Variants in SLC6A12 observed in about 807,000 individuals in gnomAD.
The protein encoded by SLC6A12 is sodium- and chloride-dependent betaine transporter.
A neutral mutation model predicts 73.3 loss-of-function variants in SLC6A12; 50 were observed. The observed-to-expected ratio is 0.68, with a 90% CI of 0.54 to 0.86. The LOEUF (loss-of-function observed/expected upper bound fraction) is 0.86, where lower values mean the gene tolerates loss of function less well. SLC6A12 is among the 40% of genes least tolerant of loss of function. The pLI, the probability that SLC6A12 is intolerant of heterozygous loss-of-function variation, is 0.00. For missense variants in SLC6A12, 648 were observed against 772.8 expected (o/e 0.84, Z 1.92); for synonymous variants, 304 against 309.2 (o/e 0.98, Z 0.18).
chr12:206,784 G>A (rs1176264234), intron 3 of SLC6A12, among the ~76,000 whole-genome samples: 2 of 152,240 alleles, frequency 1.3e-5, no homozygotes, highest in Non-Finnish European at 2.9e-5. Context: ...CCAGGACCTA[G>A]GCTGAGGGGT....
downstream of SLC6A12, among the ~76,000 whole-genome samples, chr12:186,860 C>T (rs1313040794): frequency 6.6e-6 from 1 of 152,182 alleles, no homozygotes; most frequent in African/African-American, 2.4e-5. Flanking sequence ...GTGAGGTCCA[C>T]ACCGGAGCAG....
chr12:188,154 G>A (rs1380145094), downstream of SLC6A12, among the ~76,000 whole-genome samples: 1 of 152,232 alleles, frequency 6.6e-6, no homozygotes, highest in Non-Finnish European at 1.5e-5. Context: ...GGGACTGGGT[G>A]CCCTGGAGCA....
At chr12:200,300 G>T (rs1176808324) in intron 7 of SLC6A12, among the ~76,000 whole-genome samples, 1 of 150,902 alleles carries the variant, frequency 6.6e-6, no homozygotes, top group African/African-American at 2.5e-5. Flanking sequence ...AGTAGAGACG[G>T]GGTTTTACCG....
intron 2 of SLC6A12, chr12:210,584 A>G (rs1940862808): frequency 6.1e-6 from 1 of 164,942 alleles, no homozygotes. Context: ...TGGGAGGAAA[A>G]GAGAAGGTGG....
chr12:196,325 C>A, intron 11 of SLC6A12, 64 bp from the exon 12 acceptor site: 1 of 1,546,216 alleles, frequency 6.5e-7, no homozygotes, highest in South Asian at 1.2e-5. Context: ...CCAGCCCTGG[C>A]CTCCACTTCC....
chr12:187,621 A>C (rs1198409976), downstream of SLC6A12, among the ~76,000 whole-genome samples: 67 of 54,056 alleles, frequency 1.2e-3, 3 homozygotes, highest in African/African-American at 4.7e-3. Flanking sequence ...AAAAAAAAAA[A>C]AAAAAAAAAA....
intron 4 of SLC6A12, chr12:204,134 T>A: frequency 4.9e-6 from 1 of 204,170 alleles, no homozygotes. Flanking sequence ...AGGACCCAGC[T>A]GAGCGGGACA....
chr12:193,306 A>C lies in SLC6A12; in HGVS notation c.1501T>G (p.Trp501Gly). The C allele has an allele frequency of 6.2e-7, 1 of 1,613,336 alleles. No homozygotes were observed. Among genetic ancestry groups the C allele is most frequent in the Non-Finnish European group, 8.5e-7 (1 of 1,179,414 alleles). The change falls in exon 14 of 16, where the codon TGG (tryptophan) becomes GGG (glycine). Residue 501 changes from tryptophan to glycine, a missense_variant. Trp to Gly is a radical substitution (Grantham distance 184). Transcript: ENST00000684302. ...CAAAGTCCAGGGGTCAGGAAGAGCCAGGAGATCTTCACCAGGGGCCATGGC... is the reference window on the plus strand; with the variant it reads ...CAAAGTCCAGGGGTCAGGAAGAGCCCGGAGATCTTCACCAGGGGCCATGGC... ...YRPWPLVKIS[W>G]LFLTPGLCLA...
chr12:210,347 G>T (rs2075229), intron 2 of SLC6A12: 23,582 of 1,126,416 alleles, frequency 0.021, 1,660 homozygotes, highest in African/African-American at 0.19. Context: ...TGTACAGCTC[G>T]CCACCATCCC....
At chr12:196,925 G>T (rs1565468684) in intron 10 of SLC6A12, 43 bp from the exon 11 acceptor site, 1 of 1,429,010 alleles carries the variant, frequency 7.0e-7, no homozygotes, top group Admixed American at 1.7e-5. Flanking sequence ...CAGGGCGTGT[G>T]CTGCCCTTGG....
At chr12:195,200 T>TGC in intron 13 of SLC6A12, 25 bp downstream of exon 13, 15 of 1,456,944 alleles carry the variant, frequency 1.0e-5, no homozygotes, top group Non-Finnish European at 1.3e-5. Context: ...CACCCTGCTT[T>TGC]CCCACCCCAC....
intron 3 of SLC6A12, among the ~76,000 whole-genome samples, chr12:209,472 C>T (rs1591807045): frequency 1.3e-5 from 2 of 152,200 alleles, no homozygotes; most frequent in Admixed American, 1.3e-4. Context: ...GAATGAATGA[C>T]TGAATTCTAT....
downstream of SLC6A12, among the ~76,000 whole-genome samples, chr12:186,597 T>C (rs1407747939): frequency 6.6e-6 from 1 of 152,172 alleles, no homozygotes; most frequent in East Asian, 1.9e-4. Flanking sequence ...ACGCAGTGTA[T>C]TCACCTTGCA....
intron 7 of SLC6A12, 135 bp downstream of exon 7, chr12:200,516 T>C (rs559321163): frequency 3.3e-6 from 3 of 906,026 alleles, no homozygotes; most frequent in South Asian, 3.7e-5. Context: ...CTGTTCTCAC[T>C]AGGCATCTCC....
At chr12:201,901 A>G (rs1318706259) in intron 5 of SLC6A12, 52 bp from the exon 6 acceptor site, 2 of 1,507,950 alleles carry the variant, frequency 1.3e-6, no homozygotes, top group Non-Finnish European at 1.8e-6. Context: ...CTTATACCCT[A>G]GTCCCCCTGG....
At position 201,811 on chromosome 12, in the gene SLC6A12, T is replaced by C. The variant is rs1472451554; in HGVS notation, c.529A>G (p.Thr177Ala). 1.2e-6 allele frequency: 2 copies of C among 1,614,144 alleles called. No individual in the cohort carries two copies. The highest frequency in any genetic ancestry group is 1.7e-6 in the Non-Finnish European group (2 of 1,179,998). The change falls in exon 6 of 16, where the codon ACA becomes GCA. Residue 177 changes from threonine (T) to alanine (A), a missense_variant. By Grantham distance (58) the Thr-to-Ala change is moderately conservative. Transcript: ENST00000684302. ...GTAAAATTCTCAAATGGGGTCACTG[T>C]GCCGGCTCCTGAGTGGTTCAGAAAG... ...TDFLNHSGAG[T>A]VTPFENFTSP...
chr12:184,452 T>G, the SLC6A12 span, among the ~76,000 whole-genome samples: 5 of 151,592 alleles, frequency 3.3e-5, no homozygotes, highest in African/African-American at 1.2e-4. Context: ...TGGCAAAACC[T>G]CATCTCTACT....
downstream of SLC6A12, among the ~76,000 whole-genome samples, chr12:186,505 G>A (rs751447298): frequency 6.6e-6 from 1 of 152,240 alleles, no homozygotes; most frequent in Non-Finnish European, 1.5e-5. Context: ...TTCTGGCTCA[G>A]TGCCTCTGTA....
At chr12:208,115 T>G (rs1265108091) in intron 3 of SLC6A12, among the ~76,000 whole-genome samples, 1 of 152,142 alleles carries the variant, frequency 6.6e-6, no homozygotes, top group Non-Finnish European at 1.5e-5. Context: ...TCCAAGGCCC[T>G]CTGCAGTCCT....
Sources: gnomAD v4.1 joint callset for allele counts (sites outside exome capture counted in the v4.1 genomes callset) on GRCh38, gnomAD v4.1.1 for gene constraint, MANE v1.5 for transcripts, NCBI Gene and HGNC (gene_info 2026-07-23, HGNC 2026-07-21) for gene names.